The following PCDH15 variants were observed in gnomAD, a reference collection of about 807,000 sequenced individuals.
PCDH15 encodes protocadherin related 15, also known as protocadherin-15.
Under a neutral mutation model 178.5 loss-of-function variants are expected in PCDH15, and 129 were observed. That is an observed-to-expected ratio of 0.72 (90% confidence interval 0.63 to 0.84). PCDH15 has a LOEUF of 0.84. Among genes scored for constraint, PCDH15 ranks in the 40% least tolerant of loss-of-function variants. The pLI is 0.00. For missense variants in PCDH15, 2,230 were observed against 2,099.9 expected (o/e 1.06, Z -1.21); for synonymous variants, 800 against 732.0 (o/e 1.09, Z -1.50).
At chr10:55,513,430 T>TA (rs1238660146) in intron 2 of PCDH15, among the ~76,000 whole-genome samples, 3 of 152,074 alleles carry the variant, frequency 2.0e-5, no homozygotes, top group Non-Finnish European at 4.4e-5. Flanking sequence ...TTCTTTCAAT[T>TA]AGAGTTCATG....
intron 2 of PCDH15, among the ~76,000 whole-genome samples, chr10:55,582,598 A>G (rs866748958): frequency 1.1e-3 from 82 of 74,126 alleles, no homozygotes; most frequent in Middle Eastern, 0.015. Context: ...GTGTATGTGT[A>G]TATATATATA....
intron 1 of PCDH15, among the ~76,000 whole-genome samples, chr10:55,171,449 T>C (rs1159681637): frequency 6.6e-6 from 1 of 152,150 alleles, no homozygotes; most frequent in Admixed American, 6.6e-5. Context: ...TATTATTCTT[T>C]TCATCCTTCT....
At chr10:54,402,196 T>C (rs1461679709) in intron 3 of PCDH15, among the ~76,000 whole-genome samples, 1 of 151,790 alleles carries the variant, frequency 6.6e-6, no homozygotes, top group Non-Finnish European at 1.5e-5. Flanking sequence ...ATAAAAAATA[T>C]TAAGCAAATT....
intron 1 of PCDH15, among the ~76,000 whole-genome samples, chr10:55,232,557 C>G (rs763329059): frequency 1.3e-5 from 2 of 151,988 alleles, no homozygotes; most frequent in African/African-American, 4.8e-5. Flanking sequence ...AGGCTGAACC[C>G]AATAACTTGC....
chr10:54,971,216 A>C (rs191495019), intron 2 of PCDH15, among the ~76,000 whole-genome samples: 1 of 152,228 alleles, frequency 6.6e-6, no homozygotes, highest in African/African-American at 2.4e-5. Context: ...TTAATTCCTA[A>C]GGCAATAGTT....
chr10:55,582,617 T>TAA (rs1842640506), intron 2 of PCDH15, among the ~76,000 whole-genome samples: 1 of 99,160 alleles, frequency 1.0e-5, no homozygotes, highest in Non-Finnish European at 1.9e-5. Flanking sequence ...TATATATATA[T>TAA]ATATATATAT....
rs781339303 is a variant in PCDH15, at chr10:53,821,877, CTG to C, written c.4368-1649_4368-1648del. 6.2e-7 allele frequency: 1 copy of C among 1,613,336 alleles called. No individual in the cohort carries two copies. The highest frequency in any genetic ancestry group is 8.5e-7 in the Non-Finnish European group (1 of 1,179,708). On this transcript the variant is annotated intron_variant, in intron 32 of 37. Coordinates refer to ENST00000644397, the MANE Select transcript of PCDH15 (RefSeq NM_001384140.1). ...GCAACATTACAGTGAAGTAGATTGA[CTG>C]TGAGATTGTTTTTCAGTTCCCTCGA...
intron 1 of PCDH15, among the ~76,000 whole-genome samples, chr10:55,316,420 C>A (rs564986067): frequency 1.3e-5 from 2 of 152,130 alleles, no homozygotes; most frequent in South Asian, 4.2e-4. Flanking sequence ...CTAGAATTGC[C>A]AGATGTTTAT....
At chr10:54,329,228 C>G (rs1418529947) in intron 7 of PCDH15, among the ~76,000 whole-genome samples, 1 of 151,664 alleles carries the variant, frequency 6.6e-6, no homozygotes, top group African/African-American at 2.4e-5. Context: ...CTTCCATCAT[C>G]TGAGATTTTT....
intron 2 of PCDH15, among the ~76,000 whole-genome samples, chr10:55,580,264 A>C (rs1842583217): frequency 6.6e-6 from 1 of 151,918 alleles, no homozygotes; most frequent in Admixed American, 6.6e-5. Context: ...TAAGACCTAT[A>C]TGTTTTTCTG....
intron 21 of PCDH15, among the ~76,000 whole-genome samples, chr10:53,973,874 G>T (rs954214135): frequency 2.0e-5 from 3 of 152,126 alleles, no homozygotes; most frequent in Admixed American, 2.0e-4. Context: ...TCCTTCAGAA[G>T]GATACATGTA....
At chr10:55,515,285 T>C (rs2132156722) in intron 2 of PCDH15, among the ~76,000 whole-genome samples, 1 of 152,088 alleles carries the variant, frequency 6.6e-6, no homozygotes, top group South Asian at 2.1e-4. Context: ...GGCCGGGGCA[T>C]TGTTTTTGAG....
intron 27 of PCDH15, among the ~76,000 whole-genome samples, chr10:53,858,632 TA>T (rs2078909835): frequency 6.6e-6 from 1 of 152,178 alleles, no homozygotes; most frequent in Non-Finnish European, 1.5e-5. Flanking sequence ...AAGACTGTAT[TA>T]AGACAGGAGT....
At chr10:54,084,404 C>A (rs1165484773) in intron 16 of PCDH15, among the ~76,000 whole-genome samples, 1 of 151,262 alleles carries the variant, frequency 6.6e-6, no homozygotes, top group African/African-American at 2.4e-5. Context: ...ACCCAGGAGG[C>A]GGAGGTTGCA....
chr10:55,383,496 G>C (rs1257838192), intron 2 of PCDH15, among the ~76,000 whole-genome samples: 3 of 152,046 alleles, frequency 2.0e-5, no homozygotes, highest in Non-Finnish European at 4.4e-5. Flanking sequence ...CTTTGCTGGG[G>C]AACCATCCTC....
intron 32 of PCDH15, chr10:53,823,323 C>A (rs1193544017): frequency 6.2e-7 from 1 of 1,613,710 alleles, no homozygotes; most frequent in Non-Finnish European, 8.5e-7. Context: ...TGAGTTATTT[C>A]CCCTGCTTTG....
In PCDH15 at chr10:55,283,564, A is replaced by G. The variant is rs1842789311; in HGVS notation, c.-156+36035T>C. Among the ~76,000 whole-genome samples the G allele has an allele frequency of 2.6e-5, 4 of 151,452 alleles. No individual in the cohort carries two copies. The South Asian group carries it at 8.4e-4, about 32-fold the overall frequency. On this transcript the variant is annotated intron_variant, in intron 1 of 5. Transcript: ENST00000458638. Reference sequence around the variant, plus strand: ...GACACAGCTTCTTTCCTTCCTTACTACTTTTCTTATTACTATTCTTCCTTT... The same window carrying G: ...GACACAGCTTCTTTCCTTCCTTACTGCTTTTCTTATTACTATTCTTCCTTT...
At chr10:54,506,558 A>G (rs1037123407) in intron 3 of PCDH15, among the ~76,000 whole-genome samples, 25 of 152,024 alleles carry the variant, frequency 1.6e-4, no homozygotes, top group African/African-American at 6.0e-4. Context: ...ATAAATTGCC[A>G]TTGTTCTGCC....
At chr10:54,909,136 T>G (rs1250884701) in intron 2 of PCDH15, among the ~76,000 whole-genome samples, 1 of 152,166 alleles carries the variant, frequency 6.6e-6, no homozygotes. Flanking sequence ...GTGTGCTGAT[T>G]GGTCTATGTG....
Sources: gnomAD v4.1 joint callset for allele counts (sites outside exome capture counted in the v4.1 genomes callset) on GRCh38, gnomAD v4.1.1 for gene constraint, MANE v1.5 for transcripts, NCBI Gene and HGNC (gene_info 2026-07-23, HGNC 2026-07-21) for gene names.